Variants in TLCD4 observed in about 807,000 individuals in gnomAD.
The protein encoded by TLCD4 is TLC domain containing 4.
A neutral mutation model predicts 24.2 loss-of-function variants in TLCD4; 7 were observed. The ratio of observed to expected loss-of-function variants is 0.29; its 90% confidence interval spans 0.16 to 0.54. TLCD4 has a LOEUF of 0.54. Ranked by LOEUF, TLCD4 falls within the 20% of genes least tolerant of loss-of-function variation. The pLI is 0.95. For missense variants in TLCD4, 259 were observed against 313.9 expected (o/e 0.82, Z 1.32); for synonymous variants, 103 against 106.4 (o/e 0.97, Z 0.20).
chr1:95,155,268 G>A (rs547885508), intron 5 of TLCD4, among the ~76,000 whole-genome samples: 67 of 152,024 alleles, frequency 4.4e-4, no homozygotes, highest in Non-Finnish European at 2.6e-4. Flanking sequence ...TTTAAGCTGC[G>A]GAAGGGATCA....
At chr1:95,119,112 T>G (rs143117607) in intron 1 of TLCD4, among the ~76,000 whole-genome samples, 2 of 152,330 alleles carry the variant, frequency 1.3e-5, no homozygotes, top group African/African-American at 4.8e-5. Context: ...TATATTCATT[T>G]CACTCTAAGC....
chr1:95,095,006 C>T, the TLCD4 span, among the ~76,000 whole-genome samples: 1 of 152,136 alleles, frequency 6.6e-6, no homozygotes, highest in East Asian at 1.9e-4. Context: ...CTAATGTGAC[C>T]TTGAACACAT....
intron 6 of TLCD4, among the ~76,000 whole-genome samples, chr1:95,190,607 G>C (rs1678993657): frequency 6.6e-6 from 1 of 151,862 alleles, no homozygotes; most frequent in African/African-American, 2.4e-5. Context: ...GATTACAGGG[G>C]TGAGCCACTG....
chr1:95,177,098 T>C (rs1289447648), intron 6 of TLCD4, among the ~76,000 whole-genome samples: 2 of 152,200 alleles, frequency 1.3e-5, no homozygotes, highest in African/African-American at 2.4e-5. Context: ...CTGCATCCTG[T>C]TTACACTTCT....
At chr1:95,160,580 G>A (rs1268977517) in intron 5 of TLCD4, among the ~76,000 whole-genome samples, 1 of 152,164 alleles carries the variant, frequency 6.6e-6, no homozygotes, top group Non-Finnish European at 1.5e-5. Flanking sequence ...TCCCTGTCTT[G>A]TGCCAGTTTT....
chr1:95,169,171 T>G (rs1678124323), intron 5 of TLCD4, among the ~76,000 whole-genome samples: 1 of 152,220 alleles, frequency 6.6e-6, no homozygotes, highest in Non-Finnish European at 1.5e-5. Context: ...AAAACACAGC[T>G]GCTGTTCCCA....
chr1:95,146,095 T>C (rs1271766788), intron 2 of TLCD4, among the ~76,000 whole-genome samples: 3 of 151,950 alleles, frequency 2.0e-5, no homozygotes, highest in Non-Finnish European at 4.4e-5. Flanking sequence ...TAAACACACA[T>C]AATTCTTTCT....
chr1:95,108,859 T>C, the TLCD4 span, among the ~76,000 whole-genome samples: 1 of 152,226 alleles, frequency 6.6e-6, no homozygotes, highest in Non-Finnish European at 1.5e-5. Flanking sequence ...AAAGTATTAA[T>C]TATTGAGATT....
chr1:95,098,101 C>T, the TLCD4 span, among the ~76,000 whole-genome samples: 1 of 152,122 alleles, frequency 6.6e-6, no homozygotes, highest in Admixed American at 6.5e-5. Context: ...CTATATAGCA[C>T]AATGATCTGT....
At chr1:95,180,293 A>C (rs1347551107) in intron 6 of TLCD4, among the ~76,000 whole-genome samples, 2 of 152,214 alleles carry the variant, frequency 1.3e-5, no homozygotes, top group Non-Finnish European at 2.9e-5. Context: ...AATTAGAGAT[A>C]GTTTAATTTT....
At chr1:95,176,508 T>A (rs948547441) in intron 6 of TLCD4, among the ~76,000 whole-genome samples, 1 of 152,174 alleles carries the variant, frequency 6.6e-6, no homozygotes, top group Non-Finnish European at 1.5e-5. Flanking sequence ...CATTTTTAAA[T>A]TGGGTTATTT....
chr1:95,141,401 C>A (rs940704211), intron 1 of TLCD4, among the ~76,000 whole-genome samples: 1 of 151,920 alleles, frequency 6.6e-6, no homozygotes, highest in Non-Finnish European at 1.5e-5. Context: ...ATGAGCAGCC[C>A]GTGCCCACCT....
At chr1:95,111,360 C>T in the TLCD4 span, among the ~76,000 whole-genome samples, 1 of 148,752 alleles carries the variant, frequency 6.7e-6, no homozygotes, top group African/African-American at 2.4e-5. Context: ...AAGACATTTA[C>T]AAAATAATAA....
At chr1:95,133,385 T>TAA (rs55802856) in intron 1 of TLCD4, among the ~76,000 whole-genome samples, 13,239 of 148,488 alleles carry the variant, frequency 0.089, 641 homozygotes, top group African/African-American at 0.11. Context: ...AAAGTATAAT[T>TAA]AAAAAAAAAA....
chr1:95,141,948 T>C (rs1310871912), intron 1 of TLCD4, among the ~76,000 whole-genome samples: 1 of 152,164 alleles, frequency 6.6e-6, no homozygotes, highest in African/African-American at 2.4e-5. Flanking sequence ...GGGTTATTGC[T>C]AGTGCAGTCA....
At chr1:95,099,266 C>CAGTT in the TLCD4 span, among the ~76,000 whole-genome samples, 77,183 of 151,288 alleles carry the variant, frequency 0.51, 21,102 homozygotes, top group Non-Finnish European at 0.6. Flanking sequence ...CCTCTCTACT[C>CAGTT]AGAAATGAAT....
rs1214720768 is a variant in TLCD4 at position 95,165,467 on chromosome 1, G to GGT, written c.400-8349_400-8348insGT. Among the ~76,000 whole-genome samples, 377 of 107,110 alleles carry GGT rather than the reference G, an allele frequency of 3.5e-3. 3 individuals are homozygous for GGT. The highest frequency in any genetic ancestry group is 0.017 in the African/African-American group (347 of 19,832). 70.3% of individuals were successfully genotyped at this position (107,110 alleles called of 152,430 possible). A position where few individuals can be genotyped will look rare whatever the true frequency, so the allele number is the denominator to read the frequency against. Reference sequence around the variant, plus strand: ...GCAAATAGTATGTGTGTGTGTGTGTGTTTTTTTTTTTTTTTCAGACAAAGT... The same window carrying GGT: ...GCAAATAGTATGTGTGTGTGTGTGTGGTTTTTTTTTTTTTTTTCAGACAAAGT... On this transcript the variant is annotated intron_variant, in intron 5 of 6. Transcript: ENST00000370203.
In TLCD4 at chr1:95,178,944, G is replaced by A. The variant is rs535543968; in HGVS notation, c.473+5055G>A. On this transcript the variant is annotated intron_variant, in intron 6 of 6. Transcript: ENST00000370203. ...GTTACTGCTGCTCAACATGGGTGAA[G>A]TGTTTTTGACTATTTCTCCCTCACT... 2.6e-5 allele frequency among the ~76,000 whole-genome samples: 4 copies of A among 152,272 alleles called. No individual in the cohort carries two copies. In the South Asian group the frequency reaches 8.3e-4, roughly 32 times the overall value.
At chr1:95,094,661 C>G in the TLCD4 span, among the ~76,000 whole-genome samples, 1 of 152,142 alleles carries the variant, frequency 6.6e-6, no homozygotes, top group Non-Finnish European at 1.5e-5. Flanking sequence ...ACCCACCAAC[C>G]TTCCAGGTGA....
Sources: allele counts gnomAD v4.1 joint callset (sites outside exome capture counted in the v4.1 genomes callset), GRCh38; gene constraint gnomAD v4.1.1; transcripts MANE v1.5; gene names NCBI Gene and HGNC (gene_info 2026-07-23, HGNC 2026-07-21).